OLFM3: variants seen among roughly 807,000 people sequenced by gnomAD.
OLFM3 encodes the protein noelin-3.
OLFM3 carries 20 observed loss-of-function variants against 48.6 expected under a neutral mutation model. The ratio of observed to expected loss-of-function variants is 0.41; its 90% CI spans 0.29 to 0.60. The LOEUF is 0.60. Ranked by LOEUF, OLFM3 falls within the 20% of genes least tolerant of loss-of-function variation. OLFM3 has a pLI of 0.28. For synonymous variants in OLFM3, 222 were observed against 198.1 expected (o/e 1.12, Z -1.01); for missense variants, 437 against 544.3 (o/e 0.80, Z 1.96).
At chr1:101,916,000 G>T (rs949124015) in intron 1 of OLFM3, among the ~76,000 whole-genome samples, 58 of 152,034 alleles carry the variant, frequency 3.8e-4, no homozygotes, top group Admixed American at 2.5e-3. Context: ...TATCCCCATT[G>T]TATATATGGG....
At chr1:101,823,726 G>C (rs1205158599) in intron 4 of OLFM3, among the ~76,000 whole-genome samples, 4 of 152,050 alleles carry the variant, frequency 2.6e-5, no homozygotes, top group Non-Finnish European at 5.9e-5. Context: ...TGGAGTCACA[G>C]AATCTATTAT....
At chr1:101,970,038 T>C (rs1332900013) in intron 1 of OLFM3, among the ~76,000 whole-genome samples, 1 of 151,334 alleles carries the variant, frequency 6.6e-6, no homozygotes, top group African/African-American at 2.4e-5. Flanking sequence ...TTTTTTGAGA[T>C]GGAATCTTGC....
intron 1 of OLFM3, among the ~76,000 whole-genome samples, chr1:101,887,329 A>C (rs1279665161): frequency 6.6e-6 from 1 of 152,000 alleles, no homozygotes; most frequent in Non-Finnish European, 1.5e-5. Flanking sequence ...AAATGTTAAG[A>C]ATGTTTAATA....
At chr1:101,812,749 G>C in intron 4 of OLFM3, 1 of 987,588 alleles carries the variant, frequency 1.0e-6, no homozygotes, top group South Asian at 4.7e-5. Flanking sequence ...GAGGTTAAAA[G>C]CTTCTGGCTC....
intron 5 of OLFM3, 29 bp downstream of exon 5, chr1:101,806,047 A>C (rs774627273): frequency 6.6e-7 from 1 of 1,516,240 alleles, no homozygotes; most frequent in Non-Finnish European, 9.2e-7. Flanking sequence ...ACTTAATTCT[A>C]AGCAAAGGTG....
intron 1 of OLFM3, among the ~76,000 whole-genome samples, chr1:101,978,537 A>T (rs1661015598): frequency 6.6e-6 from 1 of 152,200 alleles, no homozygotes; most frequent in Non-Finnish European, 1.5e-5. Flanking sequence ...GTTATTATGT[A>T]ATTTAGAAAT....
chr1:101,898,355 G>A (rs1658274745), intron 1 of OLFM3, among the ~76,000 whole-genome samples: 2 of 152,172 alleles, frequency 1.3e-5, no homozygotes, highest in Admixed American at 6.5e-5. Context: ...GGCAGATTGA[G>A]GATTTAGTTT....
intron 1 of OLFM3, among the ~76,000 whole-genome samples, chr1:101,936,689 G>A (rs776839234): frequency 1.3e-5 from 2 of 152,186 alleles, no homozygotes; most frequent in South Asian, 2.1e-4. Flanking sequence ...GAGGCATCAC[G>A]TTACCCAACT....
chr1:101,810,906 A>G (rs1654015346), intron 4 of OLFM3, among the ~76,000 whole-genome samples: 1 of 151,802 alleles, frequency 6.6e-6, no homozygotes, highest in African/African-American at 2.4e-5. Context: ...GTAATAAAAG[A>G]TACTGTACAT....
chr1:101,913,064 A>G (rs1045200787), intron 1 of OLFM3, among the ~76,000 whole-genome samples: 4 of 152,184 alleles, frequency 2.6e-5, no homozygotes, highest in Non-Finnish European at 5.9e-5. Flanking sequence ...CTTTTTATTT[A>G]AAAAGTCTTG....
chr1:101,940,037 A>C (rs1053571563), intron 1 of OLFM3, among the ~76,000 whole-genome samples: 2 of 152,170 alleles, frequency 1.3e-5, no homozygotes, highest in Non-Finnish European at 2.9e-5. Flanking sequence ...TTTGATTTAA[A>C]GTTCATAGTT....
chr1:101,936,959 C>A (rs1659639292), intron 1 of OLFM3, among the ~76,000 whole-genome samples: 1 of 152,088 alleles, frequency 6.6e-6, no homozygotes, highest in African/African-American at 2.4e-5. Context: ...ATATGAAAAT[C>A]AACTCAAGAT....
chr1:101,990,980 G>C (rs1416411780), intron 1 of OLFM3, among the ~76,000 whole-genome samples: 7 of 28,684 alleles, frequency 2.4e-4, no homozygotes, highest in African/African-American at 7.8e-4. Context: ...GCGAGACTCT[G>C]TCAAAAAGTA....
rs540122302 is a variant in OLFM3, at chr1:101,804,185, A to G, written c.*53T>C. On this transcript the variant is annotated 3_prime_UTR_variant, in exon 6 of 6. Coordinates refer to ENST00000370103, the MANE Select transcript of OLFM3 (RefSeq NM_058170.4). The surrounding 1 kb of genome is among the most constrained non-coding windows in gnomAD (Gnocchi z 4.5). ...AAGAAAAAAACGGAAGGGGTCTTAT[A>G]GAGTTTATCACAAATCACACTGTTT... 7 of 1,356,186 alleles carry G rather than the reference A, an allele frequency of 5.2e-6. No individual in the cohort carries two copies. The African/African-American group carries it at 1.0e-4, about 20-fold the overall frequency. The allele number at this position is 1,356,186 out of a possible 1,614,324, so 84.0% of individuals were successfully genotyped here.
chr1:101,945,637 T>G (rs1256759390), intron 1 of OLFM3, among the ~76,000 whole-genome samples: 6 of 152,108 alleles, frequency 3.9e-5, no homozygotes, highest in Non-Finnish European at 8.8e-5. Flanking sequence ...ACACTTATCT[T>G]AATTTTTTTT....
At chr1:101,918,549 G>A (rs1229500715) in intron 1 of OLFM3, among the ~76,000 whole-genome samples, 1 of 132,960 alleles carries the variant, frequency 7.5e-6, no homozygotes, top group Non-Finnish European at 1.6e-5. Context: ...CTCTCACTCT[G>A]ACTCTCCTTC....
intron 1 of OLFM3, among the ~76,000 whole-genome samples, chr1:101,995,591 G>A (rs1452137156): frequency 1.3e-5 from 2 of 152,070 alleles, no homozygotes; most frequent in African/African-American, 2.4e-5. Flanking sequence ...ATGATTCTAA[G>A]TTTTAACTGT....
intron 1 of OLFM3, among the ~76,000 whole-genome samples, chr1:101,915,756 C>T (rs181807642): frequency 4.4e-4 from 67 of 152,208 alleles, no homozygotes; most frequent in Non-Finnish European, 9.0e-4. Flanking sequence ...AAGTTATTTC[C>T]ATATACTTGC....
chr1:101,872,786 T>G (rs1295221902), intron 1 of OLFM3, among the ~76,000 whole-genome samples: 1 of 151,934 alleles, frequency 6.6e-6, no homozygotes, highest in Non-Finnish European at 1.5e-5. Context: ...ATTTTGGTAG[T>G]TTTTAGATTT....
Sources: allele counts gnomAD v4.1 joint callset (sites outside exome capture counted in the v4.1 genomes callset), GRCh38; gene constraint gnomAD v4.1.1; non-coding constraint Gnocchi (gnomAD v3.1); transcripts MANE v1.5; gene names NCBI Gene and HGNC (gene_info 2026-07-23, HGNC 2026-07-21).